Variants in RIOK3 observed in about 807,000 individuals in gnomAD.
RIOK3 encodes serine/threonine-protein kinase RIO3.
Under a neutral mutation model 63.5 loss-of-function variants are expected in RIOK3, and 40 were observed. The ratio of observed to expected loss-of-function variants is 0.63; its 90% CI spans 0.49 to 0.82. RIOK3 has a LOEUF of 0.82. Ranked by LOEUF, RIOK3 falls within the 40% of genes least tolerant of loss-of-function variation. The pLI is 0.00. For synonymous variants in RIOK3, 193 were observed against 205.0 expected (o/e 0.94, Z 0.50); for missense variants, 557 against 637.0 (o/e 0.87, Z 1.35).
intron 2 of RIOK3, 80 bp downstream of exon 2, chr18:23,463,159 G>A: frequency 2.2e-6 from 2 of 927,824 alleles, no homozygotes; most frequent in Non-Finnish European, 3.3e-6. Flanking sequence ...CATGACAAGT[G>A]GTTTGGAAAA....
chr18:23,479,169 T>G, intron 11 of RIOK3, 148 bp from the exon 12 acceptor site: 1 of 542,008 alleles, frequency 1.8e-6, no homozygotes, highest in Non-Finnish European at 3.4e-6. Context: ...GATTCTGCCT[T>G]TGAGTTGAAA....
At chr18:23,475,176 T>A in intron 9 of RIOK3, 69 bp downstream of exon 9, 1 of 1,384,292 alleles carries the variant, frequency 7.2e-7, no homozygotes, top group Non-Finnish European at 9.9e-7. Flanking sequence ...TTTAAAAAAA[T>A]TTCCTTAAAG....
At chr18:23,454,431 G>A (rs956051593) in intron 1 of RIOK3, among the ~76,000 whole-genome samples, 1 of 152,230 alleles carries the variant, frequency 6.6e-6, no homozygotes, top group Non-Finnish European at 1.5e-5. Flanking sequence ...TACAGCTGTT[G>A]GAAGAATCTG....
chr18:23,458,319 A>C (rs2057353677), intron 1 of RIOK3, among the ~76,000 whole-genome samples: 2 of 152,138 alleles, frequency 1.3e-5, no homozygotes, highest in Admixed American at 6.5e-5. Flanking sequence ...AAGGGAGATG[A>C]TTCCCCACTA....
chr18:23,472,674 A>C (rs1376234957), intron 7 of RIOK3, among the ~76,000 whole-genome samples: 1 of 152,192 alleles, frequency 6.6e-6, no homozygotes, highest in Non-Finnish European at 1.5e-5. Flanking sequence ...TGAGAGTGCC[A>C]TACACAGAAA....
Position 23,466,288 on chromosome 18 carries a change from T to A in RIOK3, c.687+12T>A. ...AGCATTCTACAGCAGTAAGGATTTA[T>A]AGATTTTTTTTTTTCTTTTTTACTA... On this transcript the variant is annotated intron_variant, in intron 6 of 12. Transcript: ENST00000339486. 1 of 1,537,734 alleles carries A rather than the reference T, an allele frequency of 6.5e-7. No homozygotes were observed. The highest frequency in any genetic ancestry group is 8.7e-7 in the Non-Finnish European group (1 of 1,153,526).
chr18:23,457,238 C>G (rs1321934673), intron 1 of RIOK3, among the ~76,000 whole-genome samples: 1 of 152,060 alleles, frequency 6.6e-6, no homozygotes, highest in Admixed American at 6.6e-5. Flanking sequence ...AGGGGATATT[C>G]CAAGAAGAGA....
chr18:23,482,109 A>G lies in RIOK3; in HGVS notation c.*830A>G, dbSNP rs955865159. ...TGTTTGACGTATTTTAATTTAGTTA[A>G]TGAAGCAAAATTCAGTTTATATTTC... On this transcript the variant is annotated 3_prime_UTR_variant, in exon 13 of 13. Coordinates refer to ENST00000339486, the MANE Select transcript of RIOK3 (RefSeq NM_003831.5). 6.6e-6 allele frequency: 1 copy of G among 152,190 alleles called. No individual in the cohort carries two copies. The highest frequency in any genetic ancestry group is 1.5e-5 in the Non-Finnish European group (1 of 68,018). The allele number at this position is 152,190 out of a possible 1,614,324, so 9.4% of individuals were successfully genotyped here. A position where few individuals can be genotyped will look rare whatever the true frequency, so the allele number is the denominator to read the frequency against.
At chr18:23,456,967 C>T (rs1324834116) in intron 1 of RIOK3, among the ~76,000 whole-genome samples, 1 of 152,170 alleles carries the variant, frequency 6.6e-6, no homozygotes, top group Admixed American at 6.6e-5. Flanking sequence ...TAAATCTACT[C>T]TTTAGAAAAT....
At chr18:23,469,330 T>TCTCTCC in intron 7 of RIOK3, among the ~76,000 whole-genome samples, 1 of 24,032 alleles carries the variant, frequency 4.2e-5, no homozygotes, top group Non-Finnish European at 7.3e-5. Context: ...TCTCTCTCTC[T>TCTCTCC]CTCTCTCCCC....
chr18:23,476,966 T>G lies in RIOK3; in HGVS notation c.1174-40T>G, dbSNP rs777139112. ...GGGTGTCATCATCAATAATACCACT[T>G]AATTATTCATTTCCTAATGTGTGCC... is the stretch of plus-strand genomic sequence containing the variant. On this transcript the variant is annotated intron_variant, in intron 9 of 12. Transcript: ENST00000339486. 39 of 1,522,252 alleles carry G rather than the reference T, an allele frequency of 2.6e-5. No homozygotes were observed. The South Asian group carries it at 4.3e-4, about 17-fold the overall frequency. The allele number at this position is 1,522,252 out of a possible 1,614,324, so 94.3% of individuals were successfully genotyped here. A position where few individuals can be genotyped will look rare whatever the true frequency, so the allele number is the denominator to read the frequency against.
Position 23,467,395 on chromosome 18 carries a change from G to A in RIOK3, c.688-4G>A. On this transcript the variant is annotated splice_polypyrimidine_tract_variant and splice_region_variant and intron_variant, in intron 6 of 12. Coordinates refer to ENST00000339486, the MANE Select transcript of RIOK3 (RefSeq NM_003831.5). ...TTTCACTTACAGTGCTTTATCTCTT[G>A]CAGGAAAAAGCAGTTGATCCTAAGA... 1.2e-6 allele frequency: 2 copies of A among 1,609,218 alleles called. No individual in the cohort carries two copies. Among genetic ancestry groups the A allele is most frequent in the Middle Eastern group, 3.3e-4 (2 of 6,048 alleles).
intron 2 of RIOK3, 42 bp from the exon 3 acceptor site, chr18:23,463,925 T>G: frequency 6.5e-7 from 1 of 1,541,722 alleles, no homozygotes; most frequent in Non-Finnish European, 8.7e-7. Context: ...CTCTGTTTAC[T>G]TAAGCACATT....
intron 1 of RIOK3, among the ~76,000 whole-genome samples, chr18:23,454,066 C>T (rs192496607): frequency 2.4e-4 from 36 of 152,196 alleles, no homozygotes; most frequent in African/African-American, 8.7e-4. Context: ...TAAGCTTTGA[C>T]GTTTAAACTT....
Position 23,462,234 on chromosome 18 carries a change from G to T in RIOK3, c.64-730G>T, listed in dbSNP as rs950113089. 4.3e-5 allele frequency among the ~76,000 whole-genome samples: 6 copies of T among 141,040 alleles called. No individual in the cohort carries two copies. The East Asian group carries it at 1.3e-3, about 30-fold the overall frequency. 92.5% of individuals were successfully genotyped at this position (141,040 alleles called of 152,430 possible). On this transcript the variant is annotated intron_variant, in intron 1 of 12. Transcript: ENST00000339486. ...GACTCACTGCAACCCTAACCTCCCA[G>T]GTTCAAGCGATTCTCCTGCCTCAGC...
chr18:23,479,100 C>G, intron 11 of RIOK3: 1 of 426,704 alleles, frequency 2.3e-6, no homozygotes, highest in Non-Finnish European at 4.4e-6. Flanking sequence ...CAGGAGTGAG[C>G]CGCCATGCCT....
At chr18:23,465,670 T>G (rs754802334) in intron 5 of RIOK3, among the ~76,000 whole-genome samples, 1 of 152,112 alleles carries the variant, frequency 6.6e-6, no homozygotes, top group East Asian at 1.9e-4. Context: ...TTTAATTAAC[T>G]TAAATATCCA....
chr18:23,457,865 G>T (rs1298639169), intron 1 of RIOK3, among the ~76,000 whole-genome samples: 1 of 151,252 alleles, frequency 6.6e-6, no homozygotes, highest in East Asian at 1.9e-4. Context: ...CTGAATTTTT[G>T]TTGCTGTGTG....
chr18:23,467,373 C>A, intron 6 of RIOK3, 26 bp from the exon 7 acceptor site: 1 of 1,588,550 alleles, frequency 6.3e-7, no homozygotes, highest in South Asian at 1.2e-5. Context: ...CAGTCATTTT[C>A]ACTTACAGTG....
Sources: allele counts gnomAD v4.1 joint callset (sites outside exome capture counted in the v4.1 genomes callset), GRCh38; gene constraint gnomAD v4.1.1; transcripts MANE v1.5; gene names NCBI Gene and HGNC (gene_info 2026-07-23, HGNC 2026-07-21).